The following ARHGAP10 variants were observed in gnomAD, a reference collection of about 807,000 sequenced individuals.
ARHGAP10 encodes Rho GTPase activating protein 10.
ARHGAP10 carries 87 observed loss-of-function variants against 108.6 expected under a neutral mutation model. That is an observed-to-expected ratio of 0.80 (90% CI 0.67 to 0.96). The LOEUF (loss-of-function observed/expected upper bound fraction) is 0.96. Among genes scored for constraint, ARHGAP10 ranks in the 40% least tolerant of loss-of-function variants. The pLI is 0.00. For missense variants in ARHGAP10, 939 were observed against 954.5 expected, an observed-to-expected ratio of 0.98 and a Z score of 0.21; for synonymous variants, 347 against 341.1, an observed-to-expected ratio of 1.02 and a Z score of -0.19.
At position 148,072,037 on chromosome 4, in the gene ARHGAP10, G is replaced by A. The variant is rs761648876; in HGVS notation, c.2317G>A (p.Gly773Ser). The A allele has an allele frequency of 3.1e-6, 5 of 1,613,474 alleles. No homozygotes were observed. Among genetic ancestry groups the A allele is most frequent in the East Asian group, 2.2e-5 (1 of 44,842 alleles). Residue 773 changes from glycine (G) to serine (S), a missense_variant, in exon 23 of 23, where the codon GGC becomes AGC. Coordinates refer to ENST00000336498, the MANE Select transcript of ARHGAP10 (RefSeq NM_024605.4). ...TGGCTGGCTAGAAGGGACTCTGAAC[G>A]GCAAGAGGGGGCTGATTCCACAGAA... ...EPGWLEGTLN[G>S]KRGLIPQNYV...
intron 19 of ARHGAP10, among the ~76,000 whole-genome samples, chr4:148,039,226 A>T (rs1728513992): frequency 6.6e-6 from 1 of 152,068 alleles, no homozygotes; most frequent in African/African-American, 2.4e-5. Context: ...GAGTGTTATC[A>T]GTATAGTTCT....
At chr4:147,767,510 G>A (rs902165075) in intron 1 of ARHGAP10, among the ~76,000 whole-genome samples, 1 of 151,966 alleles carries the variant, frequency 6.6e-6, no homozygotes, top group Non-Finnish European at 1.5e-5. Context: ...AAAAATAGCT[G>A]GTTTTGCTCC....
At chr4:148,031,379 C>G (rs180948288) in intron 19 of ARHGAP10, among the ~76,000 whole-genome samples, 1 of 152,104 alleles carries the variant, frequency 6.6e-6, no homozygotes, top group Non-Finnish European at 1.5e-5. Flanking sequence ...TAGATAATAT[C>G]CAGAACAATC....
At chr4:147,900,258 T>C (rs989667757) in intron 10 of ARHGAP10, among the ~76,000 whole-genome samples, 1 of 152,210 alleles carries the variant, frequency 6.6e-6, no homozygotes, top group African/African-American at 2.4e-5. Flanking sequence ...TTTGTATTTG[T>C]ATTTTTTTTC....
chr4:148,053,271 G>T (rs1729221459), intron 20 of ARHGAP10, among the ~76,000 whole-genome samples: 1 of 152,156 alleles, frequency 6.6e-6, no homozygotes, highest in Non-Finnish European at 1.5e-5. Flanking sequence ...TGGGGACATT[G>T]CTTGAATTGC....
intron 18 of ARHGAP10, among the ~76,000 whole-genome samples, chr4:147,985,554 G>A (rs1740010405): frequency 6.6e-6 from 1 of 152,190 alleles, no homozygotes; most frequent in Non-Finnish European, 1.5e-5. Flanking sequence ...CTACTGTTGG[G>A]TTACTTTCTA....
At chr4:147,904,077 A>G (rs573096001) in intron 10 of ARHGAP10, among the ~76,000 whole-genome samples, 5 of 152,304 alleles carry the variant, frequency 3.3e-5, no homozygotes, top group South Asian at 4.2e-4. Context: ...GCCACCAGCA[A>G]TGAATAAGAG....
At chr4:147,843,453 G>A (rs917207833) in intron 3 of ARHGAP10, among the ~76,000 whole-genome samples, 12 of 149,688 alleles carry the variant, frequency 8.0e-5, no homozygotes, top group East Asian at 3.9e-4. Flanking sequence ...ACCTTGCCAT[G>A]GATATTGCTG....
chr4:147,884,316 A>C (rs943913198), intron 10 of ARHGAP10, among the ~76,000 whole-genome samples: 1 of 152,198 alleles, frequency 6.6e-6, no homozygotes, highest in African/African-American at 2.4e-5. Flanking sequence ...AGGTGCTTAC[A>C]CATACGAAGG....
intron 18 of ARHGAP10, among the ~76,000 whole-genome samples, chr4:148,015,779 T>C (rs763182413): frequency 1.3e-5 from 2 of 152,168 alleles, no homozygotes; most frequent in East Asian, 1.9e-4. Flanking sequence ...AAGCTCAAAG[T>C]TGTATTTGGC....
chr4:147,812,739 T>C (rs1732081749), intron 1 of ARHGAP10, among the ~76,000 whole-genome samples: 1 of 152,210 alleles, frequency 6.6e-6, no homozygotes, highest in Non-Finnish European at 1.5e-5. Context: ...CGAGGCAGCA[T>C]ATTTTGATGG....
chr4:147,928,856 G>A (rs907300854), intron 13 of ARHGAP10, among the ~76,000 whole-genome samples: 1 of 152,218 alleles, frequency 6.6e-6, no homozygotes, highest in Non-Finnish European at 1.5e-5. Flanking sequence ...TGCTTGGTAT[G>A]TGTGAAGCTC....
At chr4:148,046,822 A>C in intron 19 of ARHGAP10, 70 bp from the exon 20 acceptor site, 1 of 1,433,640 alleles carries the variant, frequency 7.0e-7, no homozygotes, top group Non-Finnish European at 9.6e-7. Flanking sequence ...AAGTAACACC[A>C]TATAATTATT....
chr4:147,944,048 A>G (rs1738276535), intron 14 of ARHGAP10, among the ~76,000 whole-genome samples: 1 of 152,232 alleles, frequency 6.6e-6, no homozygotes, highest in African/African-American at 2.4e-5. Flanking sequence ...TTGGATTTTA[A>G]AAAGGTGGTT....
intron 10 of ARHGAP10, among the ~76,000 whole-genome samples, chr4:147,887,693 C>G (rs1434591303): frequency 6.6e-6 from 1 of 151,788 alleles, no homozygotes; most frequent in African/African-American, 2.4e-5. Flanking sequence ...TAAACCCCAT[C>G]TCTACTAAAA....
intron 16 of ARHGAP10, among the ~76,000 whole-genome samples, chr4:147,962,817 C>T (rs1369744737): frequency 6.6e-6 from 1 of 152,118 alleles, no homozygotes; most frequent in African/African-American, 2.4e-5. Context: ...GTGCACACCA[C>T]CACACTGGCT....
At chr4:147,799,543 A>G (rs913588128) in intron 1 of ARHGAP10, among the ~76,000 whole-genome samples, 1 of 152,124 alleles carries the variant, frequency 6.6e-6, no homozygotes, top group Non-Finnish European at 1.5e-5. Flanking sequence ...GATAGAGTGA[A>G]TTCTGTTGTC....
intron 18 of ARHGAP10, among the ~76,000 whole-genome samples, chr4:147,986,921 G>A (rs760227488): frequency 1.6e-4 from 25 of 152,202 alleles, no homozygotes; most frequent in Non-Finnish European, 2.6e-4. Context: ...CCTAGACTCT[G>A]CTGCTGCTCC....
chr4:147,732,376 C>A lies in ARHGAP10; in HGVS notation c.75C>A (p.His25Gln), dbSNP rs1272400135. ...GGTTCCGGGAGAGGATCCGCGCTCA[C>A]GAAGCGGAACTCGAGAGGACCAACA... Reference protein sequence around the residue: ...SPWFRERIRAHEAELERTNKF... With the variant: ...SPWFRERIRAQEAELERTNKF... The change falls in exon 1 of 23, where the codon CAC becomes CAA. Residue 25 changes from histidine to glutamine, a missense_variant. By Grantham distance (24) the His-to-Gln change is conservative (BLOSUM62 0). Coordinates refer to ENST00000336498, the MANE Select transcript of ARHGAP10 (RefSeq NM_024605.4). The A allele has an allele frequency of 2.5e-6, 4 of 1,613,482 alleles. No homozygotes were observed. The Admixed American group carries it at 6.7e-5, about 27-fold the overall frequency.
Sources: gnomAD v4.1 joint callset for allele counts (sites outside exome capture counted in the v4.1 genomes callset) on GRCh38, gnomAD v4.1.1 for gene constraint, MANE v1.5 for transcripts, NCBI Gene and HGNC (gene_info 2026-07-23, HGNC 2026-07-21) for gene names.